The following TCF23 variants were observed in gnomAD, a reference collection of about 807,000 sequenced individuals.
The protein encoded by TCF23 is class A basic helix-loop-helix protein 24.
A neutral mutation model predicts 13.0 loss-of-function variants in TCF23; 7 were observed. That is an observed-to-expected ratio of 0.54 (90% CI 0.31 to 1.01). The LOEUF (loss-of-function observed/expected upper bound fraction) is 1.01. Among genes scored for constraint, TCF23 ranks in the 50% least tolerant of loss-of-function variants. The pLI is 0.06. For missense variants in TCF23, 257 were observed against 289.8 expected (o/e 0.89, Z 0.82); for synonymous variants, 122 against 119.5 (o/e 1.02, Z -0.14).
chr2:27,149,716 G>T (rs146087948), intron 1 of TCF23: 1 of 589,836 alleles, frequency 1.7e-6, no homozygotes, highest in South Asian at 1.5e-5. Context: ...CAGCAGCCTC[G>T]TCGTCTCAGG....
In TCF23 at chr2:27,153,062, T is replaced by A. The variant is rs1195396432; in HGVS notation, c.*195T>A. On this transcript the variant is annotated 3_prime_UTR_variant, in exon 3 of 3. Coordinates refer to ENST00000296096, the MANE Select transcript of TCF23 (RefSeq NM_175769.3). ...GGCACAGGTTGGAGAGCCTCCTCCT[T>A]GGTCCCCAGGAGGGGACTTCCCCAT... 1.5e-6 allele frequency: 2 copies of A among 1,309,662 alleles called. No homozygotes were observed. The highest frequency in any genetic ancestry group is 2.0e-6 in the Non-Finnish European group (2 of 1,012,942). The allele number at this position is 1,309,662 out of a possible 1,614,324, so 81.1% of individuals were successfully genotyped here.
In TCF23 at chr2:27,150,213, G is replaced by A. The variant is rs1447996249; in HGVS notation, c.313G>A (p.Ala105Thr). Residue 105 changes from alanine (A) to threonine (T), a missense_variant, in exon 2 of 3, where the codon GCC becomes ACC. Coordinates refer to ENST00000296096, the MANE Select transcript of TCF23 (RefSeq NM_175769.3). This position sits in a 1 kb window ranked among gnomAD's most constrained non-coding sequence, Gnocchi z 4.1. ...CTTGGCCTTGCAGGCTGCTCTGCCT[G>A]CCGTGCCGCCCGACACCAAGCTCTC... ...AFLALQAALP[A>T]VPPDTKLSKL... is the part of the protein sequence containing the mutation. The A allele has an allele frequency of 6.2e-7, 1 of 1,613,000 alleles. No homozygotes were observed. Among genetic ancestry groups the A allele is most frequent in the Non-Finnish European group, 8.5e-7 (1 of 1,179,884 alleles).
chr2:27,149,008 T>C lies in TCF23; in HGVS notation c.-126T>C. ...GAGCAGGGAGCAAACAGGACTGAGT[T>C]GGCGCCAGCTTCCTCGGATGTAGAT... is the stretch of plus-strand genomic sequence containing the variant. On this transcript the variant is annotated 5_prime_UTR_variant, in exon 1 of 3. Transcript: ENST00000296096. 3 of 952,902 alleles carry C rather than the reference T, an allele frequency of 3.1e-6. No individual in the cohort carries two copies. The South Asian group carries it at 5.1e-5, about 16-fold the overall frequency. 59.0% of individuals were successfully genotyped at this position (952,902 alleles called of 1,614,324 possible).
chr2:27,150,408 C>CTCT lies in TCF23; in HGVS notation c.465+43_465+44insTCT. On this transcript the variant is annotated intron_variant, in intron 2 of 2. Transcript: ENST00000296096. This position sits in a 1 kb window ranked among gnomAD's most constrained non-coding sequence, Gnocchi z 4.1. ...GGACTTGAGAGGCGGATCTTAATGC[C>CTCT]CAGGGCCTTGGAGAAAGGGATTGGA... The CTCT allele has an allele frequency of 6.3e-6, 10 of 1,599,880 alleles. No homozygotes were observed. Among genetic ancestry groups the CTCT allele is most frequent in the Non-Finnish European group, 8.5e-6 (10 of 1,169,808 alleles).
chr2:27,150,097 C>A lies in TCF23; in HGVS notation c.223-26C>A. ...AGGGCAGTTGGGAGTCCAGGTCACA[C>A]ACACTCACTGGGGCCCTCTGTGCAG... On this transcript the variant is annotated intron_variant, in intron 1 of 2. Transcript: ENST00000296096. This position sits in a 1 kb window ranked among gnomAD's most constrained non-coding sequence, Gnocchi z 4.1. 6.3e-7 allele frequency: 1 copy of A among 1,583,194 alleles called. No individual in the cohort carries two copies. The highest frequency in any genetic ancestry group is 8.6e-7 in the Non-Finnish European group (1 of 1,166,614).
In TCF23 at chr2:27,154,048, G is replaced by C. The variant is rs1226955124; in HGVS notation, c.*1181G>C. 3 of 152,232 alleles carry C rather than the reference G, an allele frequency of 2.0e-5. No homozygotes were observed. The highest frequency in any genetic ancestry group is 4.8e-5 in the African/African-American group (2 of 41,454). The allele number at this position is 152,232 out of a possible 1,614,324, so 9.4% of individuals were successfully genotyped here. ...TGTTCGAGGCTTCCCTGGCTCTGGA[G>C]TTATTTCTATAGTCTATTAGCTCCC... On this transcript the variant is annotated 3_prime_UTR_variant, in exon 3 of 3. Coordinates refer to ENST00000296096, the MANE Select transcript of TCF23 (RefSeq NM_175769.3).
At chr2:27,152,513 G>A (rs958640232) in intron 2 of TCF23, among the ~76,000 whole-genome samples, 175 bp from the exon 3 acceptor site, 1 of 152,194 alleles carries the variant, frequency 6.6e-6, no homozygotes, top group Non-Finnish European at 1.5e-5. Flanking sequence ...CAGGCTCTGG[G>A]TGATCAGGAG....
At position 27,150,475 on chromosome 2, in the gene TCF23, A is replaced by G. The variant is rs1672746432; in HGVS notation, c.465+110A>G. ...GACTTGGGCCCCCTGCCCTGTGCAG[A>G]ACTGACGTCGGAGCCAATTTCTCCT... is the stretch of plus-strand genomic sequence containing the variant. On this transcript the variant is annotated intron_variant, in intron 2 of 2. Coordinates refer to ENST00000296096, the MANE Select transcript of TCF23 (RefSeq NM_175769.3). This position sits in a 1 kb window ranked among gnomAD's most constrained non-coding sequence, Gnocchi z 4.1. 1.3e-6 allele frequency: 2 copies of G among 1,521,156 alleles called. No homozygotes were observed. Among genetic ancestry groups the G allele is most frequent in the Admixed American group, 4.0e-5 (2 of 50,482 alleles). The allele number at this position is 1,521,156 out of a possible 1,614,324, so 94.2% of individuals were successfully genotyped here.
intron 1 of TCF23, chr2:27,149,820 G>C (rs866280340): frequency 1.5e-6 from 1 of 674,820 alleles, no homozygotes; most frequent in Middle Eastern, 2.4e-4. Flanking sequence ...ATTCAGATTG[G>C]GCATGGGACA....
rs1168605822 is a variant in TCF23 at position 27,149,347 on chromosome 2, C to T, written c.214C>T (p.Leu72Phe). 2 of 1,577,128 alleles carry T rather than the reference C, an allele frequency of 1.3e-6. No homozygotes were observed. The highest frequency in any genetic ancestry group is 1.8e-5 in the Admixed American group (1 of 54,212). The change falls in exon 1 of 3, where the codon CTT becomes TTT. Residue 72 changes from leucine (L) to phenylalanine (F), a missense_variant. Coordinates refer to ENST00000296096, the MANE Select transcript of TCF23 (RefSeq NM_175769.3). The part of the protein sequence containing the change: ...PRGTRAGGLA[L>F]GRSEASPENA... ...AGGGACCAGGGCTGGGGGCCTGGCT[C>T]TTGGCAGGGTAAGGAAATCCTGCAC...
chr2:27,153,166 T>A lies in TCF23; in HGVS notation c.*299T>A. 1 of 369,392 alleles carries A rather than the reference T, an allele frequency of 2.7e-6. No individual in the cohort carries two copies. The highest frequency in any genetic ancestry group is 7.8e-5 in the South Asian group (1 of 12,902). The allele number at this position is 369,392 out of a possible 1,614,324, so 22.9% of individuals were successfully genotyped here. A position where few individuals can be genotyped will look rare whatever the true frequency, so the allele number is the denominator to read the frequency against. ...TCAAAGTTGAGGTAGGGAACCACCC[T>A]AGCTTTCTTCCCCTAAGGTTTCTAC... On this transcript the variant is annotated 3_prime_UTR_variant, in exon 3 of 3. Coordinates refer to ENST00000296096, the MANE Select transcript of TCF23 (RefSeq NM_175769.3).
Position 27,150,036 on chromosome 2 carries a change from G to A in TCF23, c.223-87G>A. On this transcript the variant is annotated intron_variant, in intron 1 of 2. Coordinates refer to ENST00000296096, the MANE Select transcript of TCF23 (RefSeq NM_175769.3). This position sits in a 1 kb window ranked among gnomAD's most constrained non-coding sequence, Gnocchi z 4.1. ...CTACTGCTAGACACCCTTCTACTCT[G>A]GTGGGAGACCTTGTGCTCAAACGCT... 1.9e-6 allele frequency: 3 copies of A among 1,538,710 alleles called. No homozygotes were observed. Among genetic ancestry groups the A allele is most frequent in the Non-Finnish European group, 2.6e-6 (3 of 1,144,904 alleles).
At chr2:27,149,704 C>T (rs1156290816) in intron 1 of TCF23, 2 of 589,906 alleles carry the variant, frequency 3.4e-6, no homozygotes, top group Non-Finnish European at 6.6e-6. Flanking sequence ...TCCTCTTTCC[C>T]ACAGCAGCCT....
rs1672786369 is a variant in TCF23, at chr2:27,153,147, T to C, written c.*280T>C. On this transcript the variant is annotated 3_prime_UTR_variant, in exon 3 of 3. Transcript: ENST00000296096. Reference sequence around the variant, plus strand: ...GAAAGAGGTATAATTGGGCTCAAAGTTGAGGTAGGGAACCACCCTAGCTTT... The same window carrying C: ...GAAAGAGGTATAATTGGGCTCAAAGCTGAGGTAGGGAACCACCCTAGCTTT... The C allele has an allele frequency of 7.4e-6, 4 of 538,670 alleles. No homozygotes were observed. Among genetic ancestry groups the C allele is most frequent in the Non-Finnish European group, 8.1e-6 (3 of 372,042 alleles). The allele number at this position is 538,670 out of a possible 1,614,324, so 33.4% of individuals were successfully genotyped here. A position where few individuals can be genotyped will look rare whatever the true frequency, so the allele number is the denominator to read the frequency against.
chr2:27,152,680 T>C lies in TCF23; in HGVS notation c.466-8T>C. 6.2e-7 allele frequency: 1 copy of C among 1,611,050 alleles called. No homozygotes were observed. Among genetic ancestry groups the C allele is most frequent in the Non-Finnish European group, 8.5e-7 (1 of 1,177,996 alleles). On this transcript the variant is annotated splice_region_variant and splice_polypyrimidine_tract_variant and intron_variant, in intron 2 of 2. Coordinates refer to ENST00000296096, the MANE Select transcript of TCF23 (RefSeq NM_175769.3). Reference sequence around the variant, plus strand: ...AGCATTTCTCACTTCCCAATCTGTGTCTTGCAGAAGTGGCCGATGCGATCT... The same window carrying C: ...AGCATTTCTCACTTCCCAATCTGTGCCTTGCAGAAGTGGCCGATGCGATCT...
chr2:27,153,834 G>A lies in TCF23; in HGVS notation c.*967G>A, dbSNP rs1271410794. Reference sequence around the variant, plus strand: ...TTAATTGAACCAAGCAGCAACTTATGGCCTTAAATATGAAGGATATTGACA... The same window carrying A: ...TTAATTGAACCAAGCAGCAACTTATAGCCTTAAATATGAAGGATATTGACA... On this transcript the variant is annotated 3_prime_UTR_variant, in exon 3 of 3. Transcript: ENST00000296096. 6.6e-6 allele frequency: 1 copy of A among 152,222 alleles called. No individual in the cohort carries two copies. Among genetic ancestry groups the A allele is most frequent in the African/African-American group, 2.4e-5 (1 of 41,438 alleles). 9.4% of individuals were successfully genotyped at this position (152,222 alleles called of 1,614,324 possible).
rs369304539 is a variant in TCF23, at chr2:27,150,395, C to T, written c.465+30C>T. The T allele has an allele frequency of 5.9e-5, 95 of 1,603,314 alleles. 1 individual carries two copies. The highest frequency in any genetic ancestry group is 2.7e-4 in the Admixed American group (16 of 59,772). On this transcript the variant is annotated intron_variant, in intron 2 of 2. Coordinates refer to ENST00000296096, the MANE Select transcript of TCF23 (RefSeq NM_175769.3). The surrounding 1 kb of genome is among the most constrained non-coding windows in gnomAD (Gnocchi z 4.1). ...GTCACAAGCCCTGGGACTTGAGAGGCGGATCTTAATGCCCAGGGCCTTGGA... is the reference window on the plus strand; with the variant it reads ...GTCACAAGCCCTGGGACTTGAGAGGTGGATCTTAATGCCCAGGGCCTTGGA...
chr2:27,156,624 G>A lies in TCF23; in HGVS notation c.*3757G>A, dbSNP rs1465207842. 1 of 151,168 alleles carries A rather than the reference G, an allele frequency of 6.6e-6. No individual in the cohort carries two copies. Among genetic ancestry groups the A allele is most frequent in the African/African-American group, 2.4e-5 (1 of 41,102 alleles). The allele number at this position is 151,168 out of a possible 1,614,324, so 9.4% of individuals were successfully genotyped here. A position where few individuals can be genotyped will look rare whatever the true frequency, so the allele number is the denominator to read the frequency against. On this transcript the variant is annotated 3_prime_UTR_variant, in exon 3 of 3. Transcript: ENST00000296096. ...GATGGTCTTGATCTCCTGACCTCGT[G>A]ATCCGCCCGCCTCGGCCTCCCAAAG...
rs937295507 is a variant in TCF23, at chr2:27,154,872, T to C, written c.*2005T>C. On this transcript the variant is annotated 3_prime_UTR_variant, in exon 3 of 3. Coordinates refer to ENST00000296096, the MANE Select transcript of TCF23 (RefSeq NM_175769.3). ...GTGCTAGGAAGAGAAGCAGATACAT[T>C]TCCTCCTCAGTTGGTGGCACACTTT... 6.6e-6 allele frequency: 1 copy of C among 152,334 alleles called. No homozygotes were observed. The highest frequency in any genetic ancestry group is 2.4e-5 in the African/African-American group (1 of 41,446). The allele number at this position is 152,334 out of a possible 1,614,324, so 9.4% of individuals were successfully genotyped here. A position where few individuals can be genotyped will look rare whatever the true frequency, so the allele number is the denominator to read the frequency against.
Sources: gnomAD v4.1 joint callset for allele counts (sites outside exome capture counted in the v4.1 genomes callset) on GRCh38, gnomAD v4.1.1 for gene constraint, Gnocchi (gnomAD v3.1) non-coding constraint, MANE v1.5 for transcripts, NCBI Gene and HGNC (gene_info 2026-07-23, HGNC 2026-07-21) for gene names.